Variants in NFIA observed in about 807,000 individuals in gnomAD.
NFIA encodes the protein nuclear factor I A.
NFIA carries 8 observed loss-of-function variants against 62.8 expected under a neutral mutation model. The ratio of observed to expected loss-of-function variants is 0.13; its 90% CI spans 0.07 to 0.23. The LOEUF (loss-of-function observed/expected upper bound fraction) is 0.23. Among genes scored for constraint, NFIA ranks in the 10% least tolerant of loss-of-function variants. The probability of loss-of-function intolerance (pLI) is 1.00; values close to 1 mark genes in which losing one functional copy is unlikely to be tolerated. For synonymous variants in NFIA, 235 were observed against 238.1 expected (o/e 0.99, Z 0.12); for missense variants, 410 against 642.1 (o/e 0.64, Z 3.91).
chr1:61,383,137 CTTTT>C, intron 6 of NFIA, 96 bp from the exon 7 acceptor site: 1 of 1,449,686 alleles, frequency 6.9e-7, no homozygotes, highest in Non-Finnish European at 9.4e-7. Context: ...GTGGATTTCT[CTTTT>C]TGTTTGTTTT....
Position 61,406,869 on chromosome 1 carries a change from G to A in NFIA, c.1420+142G>A, listed in dbSNP as rs10889221. ...TGTTGTAGCATGAGTTTGCCAGACC[G>A]AGAATCAAAGTGAACATGACTCTTG... is the stretch of plus-strand genomic sequence containing the variant. On this transcript the variant is annotated intron_variant, in intron 9 of 10. Transcript: ENST00000403491. The A allele has an allele frequency of 0.28, 264,232 of 960,172 alleles. 38,597 individuals carry two copies. Among genetic ancestry groups the A allele is most frequent in the South Asian group, 0.31 (13,496 of 43,344 alleles). 59.5% of individuals were successfully genotyped at this position (960,172 alleles called of 1,614,324 possible). A position where few individuals can be genotyped will look rare whatever the true frequency, so the allele number is the denominator to read the frequency against.
At chr1:61,423,531 G>A (rs1331353517) in intron 9 of NFIA, among the ~76,000 whole-genome samples, 1 of 152,080 alleles carries the variant, frequency 6.6e-6, no homozygotes, top group Non-Finnish European at 1.5e-5. Context: ...GGCAAGAATT[G>A]TAATTAAGAA....
chr1:61,294,344 C>T (rs1659068852), intron 3 of NFIA, among the ~76,000 whole-genome samples: 1 of 152,212 alleles, frequency 6.6e-6, no homozygotes, highest in Admixed American at 6.5e-5. Context: ...AAGTTTCATG[C>T]ATCCAATAGC....
rs546659563 is a variant in NFIA, at chr1:61,192,038, C to T, written c.560-85482C>T. Among the ~76,000 whole-genome samples, 47 of 150,394 alleles carry T rather than the reference C, an allele frequency of 3.1e-4. 1 individual carries two copies. In the South Asian group the frequency reaches 3.2e-3, roughly 10 times the overall value. On this transcript the variant is annotated intron_variant, in intron 2 of 10. Transcript: ENST00000403491. ...GCAGTGGTGCAGTCTCAGCTCACTG[C>T]AACCTCCACCTCCCGGGTTCAGGCA...
At chr1:61,210,199 A>G (rs1281783469) in intron 2 of NFIA, among the ~76,000 whole-genome samples, 20 of 152,212 alleles carry the variant, frequency 1.3e-4, no homozygotes, top group Non-Finnish European at 1.5e-4. Context: ...TTTCTGCAGC[A>G]GGCAATGTGG....
chr1:61,179,071 G>A (rs1650581071), intron 2 of NFIA, among the ~76,000 whole-genome samples: 1 of 152,222 alleles, frequency 6.6e-6, no homozygotes, highest in Non-Finnish European at 1.5e-5. Flanking sequence ...TTGCCATGTG[G>A]ACAGAGAAAG....
At chr1:61,281,630 A>G (rs531916313) in intron 3 of NFIA, among the ~76,000 whole-genome samples, 1 of 152,280 alleles carries the variant, frequency 6.6e-6, no homozygotes, top group African/African-American at 2.4e-5. Context: ...AGAACCAGGG[A>G]ATTGCAAAAA....
intron 2 of NFIA, among the ~76,000 whole-genome samples, chr1:61,174,257 A>G (rs1650172767): frequency 6.6e-6 from 1 of 152,198 alleles, no homozygotes; most frequent in African/African-American, 2.4e-5. Flanking sequence ...CTTGATTTTG[A>G]AACACATGCG....
intron 2 of NFIA, among the ~76,000 whole-genome samples, chr1:61,168,797 A>T (rs777032809): frequency 1.3e-5 from 2 of 152,242 alleles, no homozygotes; most frequent in Non-Finnish European, 2.9e-5. Flanking sequence ...AGCTTTGGTC[A>T]CAGTTTTTTG....
At chr1:61,218,697 G>A (rs1653807920) in intron 2 of NFIA, among the ~76,000 whole-genome samples, 1 of 152,038 alleles carries the variant, frequency 6.6e-6, no homozygotes, top group Non-Finnish European at 1.5e-5. Context: ...TCCCTATTAT[G>A]TATTCTTCTA....
chr1:61,090,494 C>T (rs966064537), intron 2 of NFIA, among the ~76,000 whole-genome samples: 4 of 152,136 alleles, frequency 2.6e-5, no homozygotes, highest in Non-Finnish European at 4.4e-5. Flanking sequence ...TAAAGAAATG[C>T]AATCTTTTCG....
intron 2 of NFIA, among the ~76,000 whole-genome samples, chr1:61,139,184 C>T (rs773991597): frequency 6.6e-5 from 10 of 152,058 alleles, no homozygotes; most frequent in Non-Finnish European, 1.0e-4. Context: ...TCAAACAAAA[C>T]AAAAGAACAA....
At chr1:61,348,378 T>A (rs1662360454) in intron 4 of NFIA, among the ~76,000 whole-genome samples, 1 of 152,222 alleles carries the variant, frequency 6.6e-6, no homozygotes, top group Non-Finnish European at 1.5e-5. Context: ...TTTCAGAAAC[T>A]TAGTGATGTT....
intron 3 of NFIA, among the ~76,000 whole-genome samples, chr1:61,282,305 T>C (rs577527223): frequency 6.6e-6 from 1 of 152,316 alleles, no homozygotes; most frequent in Admixed American, 6.5e-5. Context: ...TGGTATCATT[T>C]AATCCTTTGT....
At chr1:61,164,401 A>G (rs1283854130) in intron 2 of NFIA, among the ~76,000 whole-genome samples, 1 of 152,154 alleles carries the variant, frequency 6.6e-6, no homozygotes, top group African/African-American at 2.4e-5. Context: ...TCTGGCTGCA[A>G]GGAAGCTTGG....
intron 3 of NFIA, among the ~76,000 whole-genome samples, chr1:61,329,445 C>T (rs113079013): frequency 5.4e-5 from 8 of 147,830 alleles, no homozygotes; most frequent in East Asian, 2.0e-4. Flanking sequence ...TACAGTGGCA[C>T]GATCTCGGCT....
chr1:61,355,834 T>G (rs1662923631), intron 5 of NFIA, among the ~76,000 whole-genome samples: 2 of 152,188 alleles, frequency 1.3e-5, no homozygotes, highest in South Asian at 4.1e-4. Flanking sequence ...GTGATCCTCC[T>G]GCCTTGGCCT....
intron 2 of NFIA, among the ~76,000 whole-genome samples, chr1:61,111,442 C>T (rs1451063304): frequency 6.6e-6 from 1 of 152,030 alleles, no homozygotes; most frequent in East Asian, 1.9e-4. Context: ...TTATACTTTG[C>T]TATTTACAGT....
At chr1:61,400,404 T>C (rs986809389) in intron 7 of NFIA, among the ~76,000 whole-genome samples, 1 of 152,330 alleles carries the variant, frequency 6.6e-6, no homozygotes, top group East Asian at 1.9e-4. Flanking sequence ...TTTCTGACAC[T>C]CTCTGCTGCT....
Sources: allele counts gnomAD v4.1 joint callset (sites outside exome capture counted in the v4.1 genomes callset), GRCh38; gene constraint gnomAD v4.1.1; transcripts MANE v1.5; gene names NCBI Gene and HGNC (gene_info 2026-07-23, HGNC 2026-07-21).